The following PCDH9 variants were observed in gnomAD, a reference collection of about 807,000 sequenced individuals.
The protein encoded by PCDH9 is protocadherin 9, also known as protocadherin-9.
PCDH9 carries 24 observed loss-of-function variants against 70.6 expected under a neutral mutation model. The observed-to-expected ratio is 0.34, with a 90% CI of 0.25 to 0.48. The LOEUF is 0.48. Ranked by LOEUF, PCDH9 falls within the 20% of genes least tolerant of loss-of-function variation. The pLI is 0.99. For missense variants in PCDH9, 1,281 were observed against 1,503.6 expected (o/e 0.85, Z 2.45); for synonymous variants, 562 against 558.5 (o/e 1.01, Z -0.09).
At chr13:67,096,671 T>C (rs1014317688) in intron 2 of PCDH9, among the ~76,000 whole-genome samples, 2 of 152,172 alleles carry the variant, frequency 1.3e-5, no homozygotes, top group Non-Finnish European at 2.9e-5. Context: ...GTAAAAGAGA[T>C]GGCAGGGCTG....
At chr13:67,208,394 C>G (rs2089400119) in intron 2 of PCDH9, 1 of 152,086 alleles carries the variant, frequency 6.6e-6, no homozygotes, top group Non-Finnish European at 1.5e-5. Flanking sequence ...ACTTAGAAAG[C>G]ATATCATGTT....
At chr13:66,937,807 T>G (rs2082941069) in intron 2 of PCDH9, among the ~76,000 whole-genome samples, 1 of 127,566 alleles carries the variant, frequency 7.8e-6, no homozygotes, top group Non-Finnish European at 1.6e-5. Flanking sequence ...CCAATTCCTG[T>G]GCATCACTTT....
At chr13:66,584,515 C>A (rs2076936946) in intron 4 of PCDH9, among the ~76,000 whole-genome samples, 1 of 152,080 alleles carries the variant, frequency 6.6e-6, no homozygotes, top group Non-Finnish European at 1.5e-5. Context: ...ACCGTGCAAT[C>A]CTTAAATAAG....
intron 4 of PCDH9, among the ~76,000 whole-genome samples, chr13:66,396,406 C>G (rs1957101950): frequency 6.6e-6 from 1 of 152,152 alleles, no homozygotes. Context: ...TGGATAATTA[C>G]CTACCACATG....
chr13:66,661,873 C>A (rs1319596604), intron 3 of PCDH9, among the ~76,000 whole-genome samples: 3 of 152,110 alleles, frequency 2.0e-5, no homozygotes, highest in Non-Finnish European at 2.9e-5. Flanking sequence ...AATATCATAG[C>A]CTTTGGGCCT....
chr13:66,936,020 G>A (rs2082910441), intron 2 of PCDH9, among the ~76,000 whole-genome samples: 1 of 152,176 alleles, frequency 6.6e-6, no homozygotes, highest in Admixed American at 6.5e-5. Flanking sequence ...AGGGGGCAGA[G>A]GTTCCAGTGA....
intron 2 of PCDH9, among the ~76,000 whole-genome samples, chr13:67,139,670 C>T (rs1050393075): frequency 6.6e-5 from 10 of 152,076 alleles, no homozygotes; most frequent in African/African-American, 2.2e-4. Flanking sequence ...TCAAAGTGCA[C>T]GACTTGTACA....
intron 4 of PCDH9, among the ~76,000 whole-genome samples, chr13:66,568,877 T>C (rs1352297344): frequency 6.6e-6 from 1 of 151,690 alleles, no homozygotes; most frequent in Non-Finnish European, 1.5e-5. Context: ...GGTGGGTTTC[T>C]AAACAGTAGT....
intron 4 of PCDH9, among the ~76,000 whole-genome samples, chr13:66,389,495 C>G (rs1593899063): frequency 3.9e-5 from 6 of 152,060 alleles, no homozygotes; most frequent in Admixed American, 3.9e-4. Context: ...TTTTTCAGGA[C>G]CTTCAGAGAT....
chr13:67,038,311 T>C (rs1478162378), intron 2 of PCDH9, among the ~76,000 whole-genome samples: 1 of 152,178 alleles, frequency 6.6e-6, no homozygotes, highest in Admixed American at 6.6e-5. Context: ...GAATTAAATT[T>C]GATCACATTC....
chr13:66,700,600 C>T (rs971429896), intron 3 of PCDH9, among the ~76,000 whole-genome samples: 2 of 151,942 alleles, frequency 1.3e-5, no homozygotes, highest in Non-Finnish European at 2.9e-5. Flanking sequence ...CATTGGAAGG[C>T]CAGCTTGAAA....
chr13:66,488,116 G>A (rs1189556288), intron 4 of PCDH9, among the ~76,000 whole-genome samples: 2 of 152,074 alleles, frequency 1.3e-5, no homozygotes, highest in East Asian at 3.9e-4. Context: ...GAGATTTTAG[G>A]GAAAATTTGT....
chr13:66,394,531 T>G (rs1032904446), intron 4 of PCDH9, among the ~76,000 whole-genome samples: 1 of 152,178 alleles, frequency 6.6e-6, no homozygotes, highest in Non-Finnish European at 1.5e-5. Context: ...CATAACACAA[T>G]TAAGTATGCT....
intron 3 of PCDH9, among the ~76,000 whole-genome samples, chr13:66,868,396 T>C (rs979935774): frequency 2.0e-5 from 3 of 152,084 alleles, no homozygotes; most frequent in Non-Finnish European, 4.4e-5. Context: ...TATAATGAAA[T>C]ACTAGAATCA....
chr13:66,589,493 G>A (rs1335655426), intron 4 of PCDH9, among the ~76,000 whole-genome samples: 2 of 151,960 alleles, frequency 1.3e-5, no homozygotes, highest in African/African-American at 2.4e-5. Context: ...GATCAGTAAA[G>A]AAAATAAAAT....
intron 4 of PCDH9, among the ~76,000 whole-genome samples, chr13:66,496,287 G>A (rs1329741618): frequency 1.3e-5 from 2 of 151,956 alleles, no homozygotes; most frequent in East Asian, 1.9e-4. Flanking sequence ...CCACTATATC[G>A]AAACTATCCT....
At chr13:66,440,786 AC>A (rs1478343022) in intron 4 of PCDH9, among the ~76,000 whole-genome samples, 7 of 151,746 alleles carry the variant, frequency 4.6e-5, no homozygotes, top group Admixed American at 4.6e-4. Flanking sequence ...TCTCTAAGGA[AC>A]CCTCATATTC....
At chr13:66,992,987 T>C (rs2084035125) in intron 2 of PCDH9, among the ~76,000 whole-genome samples, 2 of 151,414 alleles carry the variant, frequency 1.3e-5, no homozygotes, top group South Asian at 4.2e-4. Context: ...CCATACCATA[T>C]GTGAAGGAAA....
At chr13:66,411,108 CA>C (rs2055686059) in intron 4 of PCDH9, among the ~76,000 whole-genome samples, 1 of 152,148 alleles carries the variant, frequency 6.6e-6, no homozygotes, top group African/African-American at 2.4e-5. Context: ...TTACTCATAT[CA>C]CAGGAAAATA....
Sources: allele counts gnomAD v4.1 joint callset (sites outside exome capture counted in the v4.1 genomes callset), GRCh38; gene constraint gnomAD v4.1.1; transcripts MANE v1.5; gene names NCBI Gene and HGNC (gene_info 2026-07-23, HGNC 2026-07-21).